The following TAS2R1 variants were observed in gnomAD, a reference collection of about 807,000 sequenced individuals.
TAS2R1 encodes the protein taste 2 receptor member 1.
For synonymous variants in TAS2R1, 141 were observed against 134.2 expected, an observed-to-expected ratio of 1.05 and a Z score of -0.35; for missense variants, 370 against 353.4, an observed-to-expected ratio of 1.05 and a Z score of -0.38.
At chr5:9,669,747 GA>G (rs1265843969) in intron 1 of TAS2R1, among the ~76,000 whole-genome samples, 1 of 152,076 alleles carries the variant, frequency 6.6e-6, no homozygotes, top group East Asian at 1.9e-4. Flanking sequence ...GAATCTCTGG[GA>G]CACAGCTAAA....
At chr5:9,903,372 G>C in the TAS2R1 span, among the ~76,000 whole-genome samples, 1 of 151,926 alleles carries the variant, frequency 6.6e-6, no homozygotes, top group Admixed American at 6.6e-5. Flanking sequence ...GGTGGTGCTT[G>C]GTTACATGGA....
rs572173950 is a variant in TAS2R1, at chr5:9,682,845, C to T, written c.-241-23264G>A. On this transcript the variant is annotated intron_variant, in intron 1 of 2. Coordinates refer to the TAS2R1 transcript ENST00000506620. ...AAACTAAAGGGTGTGGTTACAATCA[C>T]AGTGTTTTATTTACCGCTGCCAGTG... Among the ~76,000 whole-genome samples, 8 of 152,300 alleles carry T rather than the reference C, an allele frequency of 5.3e-5. No individual in the cohort carries two copies. In the South Asian group the frequency reaches 1.2e-3, roughly 24 times the overall value.
chr5:9,649,791 T>C (rs1203796134), intron 2 of TAS2R1, among the ~76,000 whole-genome samples: 1 of 152,220 alleles, frequency 6.6e-6, no homozygotes, highest in Admixed American at 6.5e-5. Context: ...GAAGAAAATT[T>C]TATTAAAGTT....
the TAS2R1 span, chr5:9,867,270 G>A: frequency 5.9e-5 from 9 of 152,260 alleles, no homozygotes; most frequent in Non-Finnish European, 1.0e-4. Context: ...GACACAGAGG[G>A]GATATATATT....
At chr5:9,848,071 C>A in the TAS2R1 span, among the ~76,000 whole-genome samples, 1 of 152,204 alleles carries the variant, frequency 6.6e-6, no homozygotes, top group Admixed American at 6.5e-5. Flanking sequence ...AGAAACATGG[C>A]ACTACACCAT....
At chr5:9,824,249 C>G in the TAS2R1 span, among the ~76,000 whole-genome samples, 1 of 152,202 alleles carries the variant, frequency 6.6e-6, no homozygotes, top group African/African-American at 2.4e-5. Flanking sequence ...AATACCCAGT[C>G]CATAATCCTA....
chr5:9,877,022 C>T, the TAS2R1 span, among the ~76,000 whole-genome samples: 325 of 152,368 alleles, frequency 2.1e-3, 3 homozygotes, highest in African/African-American at 6.8e-3. Context: ...GAAAAACACA[C>T]TTAATGTGTT....
At chr5:9,753,741 G>T in the TAS2R1 span, among the ~76,000 whole-genome samples, 4 of 152,172 alleles carry the variant, frequency 2.6e-5, no homozygotes, top group South Asian at 2.1e-4. Flanking sequence ...GTAAGGAAGG[G>T]ATCCAGTTTC....
At chr5:9,786,753 A>C in the TAS2R1 span, among the ~76,000 whole-genome samples, 15 of 152,324 alleles carry the variant, frequency 9.8e-5, no homozygotes, top group Admixed American at 5.9e-4. Context: ...CTGTTTGTGA[A>C]ATAAGATAAA....
intron 1 of TAS2R1, among the ~76,000 whole-genome samples, chr5:9,701,124 C>T (rs143949781): frequency 1.5e-4 from 23 of 151,864 alleles, no homozygotes; most frequent in Admixed American, 6.6e-4. Context: ...GTGGGCAGAA[C>T]AAATTATATT....
At chr5:9,796,270 T>A in the TAS2R1 span, among the ~76,000 whole-genome samples, 1 of 152,332 alleles carries the variant, frequency 6.6e-6, no homozygotes, top group African/African-American at 2.4e-5. Flanking sequence ...AGCCCTTCCC[T>A]GTGAACAAAA....
At chr5:9,719,545 T>C in the TAS2R1 span, among the ~76,000 whole-genome samples, 1 of 152,194 alleles carries the variant, frequency 6.6e-6, no homozygotes, top group Admixed American at 6.5e-5. Flanking sequence ...CTTCCTTAAA[T>C]GGGACATCCA....
rs947869412 is a variant in TAS2R1 at position 9,629,164 on chromosome 5, T to A, written c.869A>T (p.Lys290Met). 2.5e-6 allele frequency: 4 copies of A among 1,581,592 alleles called. No homozygotes were observed. The highest frequency in any genetic ancestry group is 2.2e-5 in the East Asian group (1 of 44,632). ...GNPKLKQNAK[K>M]FLLHSKCCQ ...ACAGCACTTACTGTGGAGGAGGAAC[T>A]TTTTTGCATTTTGTTTCAATTTAGG... Residue 290 changes from lysine (K) to methionine (M), a missense_variant, in exon 1 of 1, where the codon AAG becomes ATG. Transcript: ENST00000382492.
the TAS2R1 span, among the ~76,000 whole-genome samples, chr5:9,876,480 T>C: frequency 5.3e-5 from 8 of 152,186 alleles, no homozygotes; most frequent in African/African-American, 1.9e-4. Flanking sequence ...AGAAAACTCA[T>C]CCTTCACAGA....
At chr5:9,728,859 G>A in the TAS2R1 span, among the ~76,000 whole-genome samples, 30 of 152,156 alleles carry the variant, frequency 2.0e-4, no homozygotes, top group African/African-American at 6.0e-4. Context: ...ATGGCATCTC[G>A]ATCTCAGCAG....
At chr5:9,679,695 G>A (rs557406767) in intron 1 of TAS2R1, among the ~76,000 whole-genome samples, 3 of 152,270 alleles carry the variant, frequency 2.0e-5, no homozygotes, top group South Asian at 4.1e-4. Context: ...ACAAGGAGGA[G>A]GCTAGAATGA....
the TAS2R1 span, among the ~76,000 whole-genome samples, chr5:9,793,455 C>A: frequency 6.6e-6 from 1 of 152,226 alleles, no homozygotes; most frequent in Admixed American, 6.5e-5. Context: ...AAACCAAATA[C>A]AGTAAATGGG....
At chr5:9,697,516 G>A (rs1741384400) in intron 1 of TAS2R1, among the ~76,000 whole-genome samples, 1 of 152,072 alleles carries the variant, frequency 6.6e-6, no homozygotes. Flanking sequence ...ATTTCACTTG[G>A]AAATACAGAT....
chr5:9,707,631 T>C (rs149511071), intron 1 of TAS2R1, among the ~76,000 whole-genome samples: 4,699 of 151,916 alleles, frequency 0.031, 248 homozygotes, highest in African/African-American at 0.11. Flanking sequence ...TGCAGTGAGC[T>C]GACATCGCAC....
Sources: gnomAD v4.1 joint callset for allele counts (sites outside exome capture counted in the v4.1 genomes callset) on GRCh38, gnomAD v4.1.1 for gene constraint, MANE v1.5 for transcripts, NCBI Gene and HGNC (gene_info 2026-07-23, HGNC 2026-07-21) for gene names.